The following PCDH11Y variants were observed in gnomAD, a reference collection of about 807,000 sequenced individuals.
PCDH11Y encodes protocadherin-11 Y-linked.
For synonymous variants in PCDH11Y, 9 were observed against 83.6 expected, an observed-to-expected ratio of 0.11 and a Z score of 4.87; for missense variants, 12 against 224.8, an observed-to-expected ratio of 0.05 and a Z score of 6.05.
chrY:5,637,737 C>G, intron 4 of PCDH11Y, among the ~76,000 whole-genome samples: 1 of 30,653 alleles, frequency 3.3e-5, no homozygotes, highest in African/African-American at 1.3e-4. Context: ...GGTCCAGTGA[C>G]CTATTTGACT....
rs1602857863 is a variant in PCDH11Y, at chrY:5,078,891, C to T, written c.637-19324C>T. ...GTCTTAACTTATTTCAACATTAACT[C>T]GAAAGCCCAAGTCCAAAGTCTCATG... is the stretch of plus-strand genomic sequence containing the variant. On this transcript the variant is annotated intron_variant, in intron 1 of 1. Transcript: ENST00000215473. Among the ~76,000 whole-genome samples, 3 of 33,112 alleles carry T rather than the reference C, an allele frequency of 9.1e-5. No homozygotes were observed. The East Asian group carries it at 2.4e-3, about 27-fold the overall frequency. The allele number at this position is 33,112 out of a possible 37,273, so 88.8% of individuals were successfully genotyped here. A position where few individuals can be genotyped will look rare whatever the true frequency, so the allele number is the denominator to read the frequency against.
At chrY:5,248,412 G>C (rs2052999748) in intron 2 of PCDH11Y, among the ~76,000 whole-genome samples, 1 of 31,943 alleles carries the variant, frequency 3.1e-5, no homozygotes, top group Admixed American at 3.0e-4. Flanking sequence ...GGGATGCAAG[G>C]CTGATTCAAC....
intron 3 of PCDH11Y, among the ~76,000 whole-genome samples, chrY:5,558,324 CT>C (rs1282598963): frequency 2.5e-4 from 2 of 7,955 alleles, no homozygotes; most frequent in African/African-American, 1.1e-3. Flanking sequence ...TGGTCCAGGG[CT>C]TTTTTTTTTT....
chrY:5,377,740 G>T lies in PCDH11Y; in HGVS notation c.3130-123317G>T, dbSNP rs1351181199. On this transcript the variant is annotated intron_variant, in intron 2 of 4. Coordinates refer to the PCDH11Y transcript ENST00000400457. Reference sequence around the variant, plus strand: ...TTATTTTATGTATGTATGTATGTATGTATTTATTTATTTGTTTATTTATTT... The same window carrying T: ...TTATTTTATGTATGTATGTATGTATTTATTTATTTATTTGTTTATTTATTT... 1.7e-3 allele frequency among the ~76,000 whole-genome samples: 56 copies of T among 33,596 alleles called. No individual in the cohort carries two copies. The East Asian group carries it at 0.035, about 21-fold the overall frequency. 90.1% of individuals were successfully genotyped at this position (33,596 alleles called of 37,273 possible).
intron 2 of PCDH11Y, among the ~76,000 whole-genome samples, chrY:5,393,784 CAT>C (rs2053224170): frequency 4.5e-5 from 1 of 22,099 alleles, no homozygotes; most frequent in Non-Finnish European, 1.0e-4. Flanking sequence ...AATAAATAAA[CAT>C]GTGTGTCTTT....
intron 2 of PCDH11Y, among the ~76,000 whole-genome samples, chrY:5,426,501 G>A: frequency 4.9e-4 from 16 of 32,883 alleles, no homozygotes; most frequent in African/African-American, 1.9e-3. Context: ...TAGATAACTT[G>A]TAGGGCAAAA....
chrY:5,137,618 T>G, intron 2 of PCDH11Y, among the ~76,000 whole-genome samples: 1 of 32,235 alleles, frequency 3.1e-5, no homozygotes, highest in Non-Finnish European at 7.6e-5. Flanking sequence ...TAGGAGTAGC[T>G]ATTCCTATAT....
At chrY:5,131,527 C>T in intron 2 of PCDH11Y, among the ~76,000 whole-genome samples, 1 of 32,015 alleles carries the variant, frequency 3.1e-5, no homozygotes, top group Non-Finnish European at 7.7e-5. Flanking sequence ...ATTGAAAATC[C>T]ATTAAAAACA....
intron 4 of PCDH11Y, among the ~76,000 whole-genome samples, chrY:5,635,888 C>T: frequency 2.9e-5 from 1 of 33,976 alleles, no homozygotes; most frequent in African/African-American, 1.1e-4. Context: ...ATCAATCTGT[C>T]TTATAAAGAC....
At chrY:5,237,038 G>A (rs2052976075) in intron 2 of PCDH11Y, among the ~76,000 whole-genome samples, 1 of 33,135 alleles carries the variant, frequency 3.0e-5, no homozygotes. Flanking sequence ...TAAATAATTC[G>A]AAAGAGGACT....
At chrY:5,122,477 T>C in intron 2 of PCDH11Y, among the ~76,000 whole-genome samples, 1 of 32,595 alleles carries the variant, frequency 3.1e-5, no homozygotes, top group Non-Finnish European at 7.5e-5. Context: ...GCAAAAATTC[T>C]TCTAGTAGGT....
intron 1 of PCDH11Y, among the ~76,000 whole-genome samples, chrY:5,066,348 C>T (rs2124629831): frequency 9.1e-5 from 3 of 32,872 alleles, no homozygotes; most frequent in South Asian, 1.4e-3. Context: ...TAATCATACA[C>T]TGCCTCTACG....
intron 2 of PCDH11Y, among the ~76,000 whole-genome samples, chrY:5,125,402 C>A: frequency 3.0e-5 from 1 of 33,193 alleles, no homozygotes; most frequent in Non-Finnish European, 7.4e-5. Flanking sequence ...GATTCTATTT[C>A]ACTTGCAAAT....
intron 3 of PCDH11Y, among the ~76,000 whole-genome samples, chrY:5,038,120 C>G: frequency 3.1e-5 from 1 of 32,587 alleles, no homozygotes; most frequent in Non-Finnish European, 7.5e-5. Context: ...TATTAGTGCT[C>G]TGAGCATATA....
intron 2 of PCDH11Y, among the ~76,000 whole-genome samples, chrY:5,278,384 C>T (rs2053047536): frequency 3.0e-5 from 1 of 32,806 alleles, no homozygotes; most frequent in Non-Finnish European, 7.5e-5. Context: ...CTCCTGACCT[C>T]GTGATCCACT....
chrY:5,731,435 G>A, intron 4 of PCDH11Y, among the ~76,000 whole-genome samples: 1 of 32,490 alleles, frequency 3.1e-5, no homozygotes, highest in Admixed American at 2.8e-4. Context: ...TATTTTCTGA[G>A]GATCTTTTGA....
intron 2 of PCDH11Y, among the ~76,000 whole-genome samples, chrY:5,473,183 A>G: frequency 3.3e-5 from 1 of 30,363 alleles, no homozygotes; most frequent in Non-Finnish European, 8.0e-5. Context: ...TGAAATACAG[A>G]TAACATAAAA....
intron 2 of PCDH11Y, among the ~76,000 whole-genome samples, chrY:5,454,600 G>A: frequency 3.0e-5 from 1 of 33,723 alleles, no homozygotes; most frequent in African/African-American, 1.2e-4. Context: ...CTGAAATCTA[G>A]GCAGAGGATC....
chrY:5,386,196 G>C, intron 2 of PCDH11Y, among the ~76,000 whole-genome samples: 2 of 33,550 alleles, frequency 6.0e-5, no homozygotes, highest in East Asian at 1.6e-3. Flanking sequence ...GTCCCTTCTA[G>C]CTTGGAGGGT....
Sources: allele counts gnomAD v4.1 joint callset (sites outside exome capture counted in the v4.1 genomes callset), GRCh38; gene constraint gnomAD v4.1.1; transcripts MANE v1.5; gene names NCBI Gene and HGNC (gene_info 2026-07-23, HGNC 2026-07-21).